Variants in LOC730098 observed in about 807,000 individuals in gnomAD.
At chr9:34,665,011 A>C in the LOC730098 span, 2 of 557,952 alleles carry the variant, frequency 3.6e-6, no homozygotes, top group Non-Finnish European at 6.3e-6. Flanking sequence ...CAGAGTCAGG[A>C]GGTCAGTACG....
chr9:34,665,278 G>T, the LOC730098 span: 8 of 702,074 alleles, frequency 1.1e-5, no homozygotes, highest in Non-Finnish European at 1.6e-5. Flanking sequence ...TCCCGTCCAT[G>T]CCCGGGGCGG....
At chr9:34,665,925 T>C in the LOC730098 span, 7 of 533,154 alleles carry the variant, frequency 1.3e-5, no homozygotes, top group Non-Finnish European at 2.3e-5. Flanking sequence ...TTGGCGGTCA[T>C]GGGGCTGGGA....
At chr9:34,665,921 G>A in the LOC730098 span, 1 of 558,908 alleles carries the variant, frequency 1.8e-6, no homozygotes, top group Non-Finnish European at 3.2e-6. Context: ...AGGTTTGGCG[G>A]TCATGGGGCT....
At chr9:34,664,822 C>G in the LOC730098 span, 7 of 408,634 alleles carry the variant, frequency 1.7e-5, no homozygotes, top group Middle Eastern at 6.2e-4. Context: ...ATAGGCGACT[C>G]ACAGTATGGG....
At chr9:34,664,705 T>G in the LOC730098 span, 1 of 239,758 alleles carries the variant, frequency 4.2e-6, no homozygotes, top group Non-Finnish European at 8.0e-6. Flanking sequence ...ACACCTCTGC[T>G]TAAAATGTTT....
At chr9:34,666,032 T>C in the LOC730098 span, 1 of 312,624 alleles carries the variant, frequency 3.2e-6, no homozygotes. Context: ...CCTCCCTGGC[T>C]CCACCCCGGA....
the LOC730098 span, chr9:34,665,929 GC>G: frequency 5.5e-6 from 3 of 548,642 alleles, no homozygotes; most frequent in South Asian, 6.5e-5. Context: ...CGGTCATGGG[GC>G]TGGGAGATTT....
At chr9:34,665,073 G>A in the LOC730098 span, 9 of 600,846 alleles carry the variant, frequency 1.5e-5, no homozygotes, top group Non-Finnish European at 2.1e-5. Context: ...CAGCGGCGGT[G>A]GGGCTGCGGC....
chr9:34,665,260 A>G, the LOC730098 span: 6 of 701,146 alleles, frequency 8.6e-6, no homozygotes, highest in Non-Finnish European at 1.6e-5. Context: ...GGGTCCTCAG[A>G]GACTGAGTCC....
the LOC730098 span, chr9:34,665,551 C>T: frequency 1.7e-6 from 1 of 594,180 alleles, no homozygotes; most frequent in South Asian, 1.6e-5. Flanking sequence ...CCCCGCAGAA[C>T]TCCACCCTCC....
chr9:34,665,968 C>T, the LOC730098 span: 6 of 470,004 alleles, frequency 1.3e-5, no homozygotes, highest in Non-Finnish European at 1.9e-5. Context: ...TTTTCAGGGG[C>T]TGGGGTCACC....
chr9:34,665,224 G>A, the LOC730098 span: 5 of 679,338 alleles, frequency 7.4e-6, no homozygotes, highest in Admixed American at 2.1e-5. Flanking sequence ...ATGAGGCGGG[G>A]CGGGAGCTAC....
chr9:34,664,754 G>A, the LOC730098 span: 28 of 355,330 alleles, frequency 7.9e-5, 1 homozygote, highest in East Asian at 3.4e-4. Context: ...TCAGACAGCT[G>A]GCAAAGTCCT....
At chr9:34,665,902 C>G in the LOC730098 span, 2 of 576,232 alleles carry the variant, frequency 3.5e-6, no homozygotes, top group Non-Finnish European at 6.2e-6. Flanking sequence ...TTTAGGGGGC[C>G]AGGGCGAGAG....
the LOC730098 span, chr9:34,665,686 G>A: frequency 1.4e-6 from 1 of 700,800 alleles, no homozygotes; most frequent in Non-Finnish European, 2.6e-6. Flanking sequence ...GTCTCCTGGG[G>A]AGCGGCATGA....
chr9:34,665,766 A>C, the LOC730098 span: 19 of 671,276 alleles, frequency 2.8e-5, no homozygotes, highest in Admixed American at 3.9e-4. Context: ...CCCAGTTCTC[A>C]GGTAATCTGA....
At chr9:34,665,731 C>T in the LOC730098 span, 10 of 698,546 alleles carry the variant, frequency 1.4e-5, no homozygotes, top group Non-Finnish European at 2.3e-5. Context: ...AGGTCCCCTT[C>T]TCCGTCATTC....
At chr9:34,665,898 G>C in the LOC730098 span, 1 of 580,968 alleles carries the variant, frequency 1.7e-6, no homozygotes, top group Admixed American at 3.1e-5. Context: ...GGCATTTAGG[G>C]GGCCAGGGCG....
chr9:34,664,392 A>G, the LOC730098 span: 1 of 152,290 alleles, frequency 6.6e-6, no homozygotes, highest in African/African-American at 2.4e-5. Flanking sequence ...TGCTGGGTCC[A>G]GTCCCTAACT....
Sources: gnomAD v4.1 joint callset for allele counts on GRCh38, gnomAD v4.1.1 for gene constraint, MANE v1.5 for transcripts.